ABCA6: variants seen among roughly 807,000 people sequenced by gnomAD.
ABCA6 encodes the protein ATP-binding cassette sub-family A member 6.
Under a neutral mutation model 191.2 loss-of-function variants are expected in ABCA6, and 164 were observed. That is an observed-to-expected ratio of 0.86 (90% CI 0.76 to 0.98). The LOEUF is 0.98. ABCA6 is among the 50% of genes least tolerant of loss of function. The pLI is 0.00. For synonymous variants in ABCA6, 636 were observed against 647.7 expected (o/e 0.98, Z 0.27); for missense variants, 1,958 against 1,894.1 (o/e 1.03, Z -0.63).
At position 69,096,553 on chromosome 17, in the gene ABCA6, A is replaced by G. The variant is rs2144635628; in HGVS notation, c.3294+75T>C. The G allele has an allele frequency of 1.2e-5, 14 of 1,137,856 alleles. No individual in the cohort carries two copies. The South Asian group carries it at 3.6e-4, about 29-fold the overall frequency. The allele number at this position is 1,137,856 out of a possible 1,614,324, so 70.5% of individuals were successfully genotyped here. A position where few individuals can be genotyped will look rare whatever the true frequency, so the allele number is the denominator to read the frequency against. The stretch of plus-strand genomic sequence containing the variant: ...ACAAAATATGAATTAAAACATCTTA[A>G]CTACTTAAAATAACAATGTTAAAAT... On this transcript the variant is annotated intron_variant, in intron 24 of 38. Coordinates refer to ENST00000284425, the MANE Select transcript of ABCA6 (RefSeq NM_080284.3).
In ABCA6 at chr17:69,124,986, G is replaced by T; in HGVS notation, c.1169C>A (p.Ser390Ter). 1 of 1,518,046 alleles carries T rather than the reference G, an allele frequency of 6.6e-7. No individual in the cohort carries two copies. Among genetic ancestry groups the T allele is most frequent in the Non-Finnish European group, 8.9e-7 (1 of 1,126,180 alleles). 94.0% of individuals were successfully genotyped at this position (1,518,046 alleles called of 1,614,324 possible). ...TGCTATCATTGTATATGAGTCTCCTGAAGGGTCAGGAAAAATTACACCATT... is the reference window on the plus strand; with the variant it reads ...TGCTATCATTGTATATGAGTCTCCTTAAGGGTCAGGAAAAATTACACCATT... ...NLNGVIFPDP[S>*]GDSYTMIATF... Residue 390 changes from serine (S) to a stop codon, truncating the protein, a stop_gained, in exon 9 of 39, where the codon TCA becomes TAA. Transcript: ENST00000284425. LOFTEE classifies it high-confidence loss of function.
chr17:69,118,744 C>T (rs2073583692), intron 10 of ABCA6, among the ~76,000 whole-genome samples: 1 of 152,082 alleles, frequency 6.6e-6, no homozygotes, highest in Non-Finnish European at 1.5e-5. Context: ...TCATCAGACA[C>T]ATCAGCTTGA....
chr17:69,080,534 G>T (rs1361777602), intron 37 of ABCA6, among the ~76,000 whole-genome samples: 2 of 152,190 alleles, frequency 1.3e-5, no homozygotes, highest in African/African-American at 4.8e-5. Context: ...TACACACAAT[G>T]CAGGGGACGG....
chr17:69,100,204 G>C (rs1177457329), intron 22 of ABCA6, among the ~76,000 whole-genome samples: 1 of 152,164 alleles, frequency 6.6e-6, no homozygotes, highest in Non-Finnish European at 1.5e-5. Context: ...CCAATGTAGG[G>C]GGTCCTCTGC....
intron 22 of ABCA6, among the ~76,000 whole-genome samples, chr17:69,099,898 G>T (rs1035681403): frequency 1.3e-5 from 2 of 151,952 alleles, no homozygotes; most frequent in Admixed American, 6.6e-5. Flanking sequence ...AGCCAAAACT[G>T]AGCTTCACAC....
intron 34 of ABCA6, 151 bp from the exon 35 acceptor site, chr17:69,083,482 AT>A (rs1209290252): frequency 3.1e-6 from 2 of 639,076 alleles, no homozygotes; most frequent in Non-Finnish European, 4.7e-6. Flanking sequence ...CATAAATAAC[AT>A]TTTTAAGTAT....
intron 37 of ABCA6, 66 bp from the exon 38 acceptor site, chr17:69,079,331 A>C: frequency 3.9e-6 from 5 of 1,288,294 alleles, no homozygotes; most frequent in Non-Finnish European, 5.4e-6. Flanking sequence ...AATTTTTTCA[A>C]AATCATAAAG....
Position 69,133,814 on chromosome 17 carries a change from A to G in ABCA6, c.618T>C (p.Thr206=), listed in dbSNP as rs1246982513. ...TAGTTATGAAAGGTAATGTCTTCATAGTTATAGCAGTAACTGACATCAACT... is the reference window on the plus strand; with the variant it reads ...TAGTTATGAAAGGTAATGTCTTCATGGTTATAGCAGTAACTGACATCAACT... The part of the protein sequence containing the change: ...MEELMSVTAI[T]MKTLPFITKN... Residue 206 remains threonine (T), a synonymous_variant, in exon 6 of 39, where the codon ACT becomes ACC. Transcript: ENST00000284425. 1 of 1,612,140 alleles carries G rather than the reference A, an allele frequency of 6.2e-7. No individual in the cohort carries two copies. The highest frequency in any genetic ancestry group is 8.5e-7 in the Non-Finnish European group (1 of 1,179,026).
intron 18 of ABCA6, among the ~76,000 whole-genome samples, chr17:69,107,323 TTC>T (rs2073327275): frequency 6.6e-6 from 1 of 152,170 alleles, no homozygotes; most frequent in Non-Finnish European, 1.5e-5. Context: ...ATACTGAGAA[TTC>T]TCCCCACTAA....
intron 23 of ABCA6, 62 bp downstream of exon 23, chr17:69,097,858 T>C (rs2073084466): frequency 8.8e-7 from 1 of 1,141,312 alleles, no homozygotes; most frequent in Non-Finnish European, 1.2e-6. Flanking sequence ...TTTGAACACA[T>C]AGCATTCAAA....
chr17:69,113,615 T>G lies in ABCA6; in HGVS notation c.1902+3A>C, dbSNP rs1268831315. On this transcript the variant is annotated splice_donor_region_variant and intron_variant, in intron 14 of 38. Transcript: ENST00000284425. ...TTCCTTCCCCATGCATAATCTCACT[T>G]ACTTGAGGATCTCCTAAAATGGTAA... is the stretch of plus-strand genomic sequence containing the variant. 1.9e-6 allele frequency: 3 copies of G among 1,612,924 alleles called. No homozygotes were observed. Among genetic ancestry groups the G allele is most frequent in the African/African-American group, 2.7e-5 (2 of 74,950 alleles).
chr17:69,120,901 G>A (rs1350313251), intron 10 of ABCA6, among the ~76,000 whole-genome samples: 6 of 151,990 alleles, frequency 3.9e-5, no homozygotes, highest in East Asian at 3.9e-4. Flanking sequence ...AATAAAAAAT[G>A]TATATTTTTA....
chr17:69,097,219 C>T (rs773093203), intron 23 of ABCA6, among the ~76,000 whole-genome samples: 3 of 152,198 alleles, frequency 2.0e-5, no homozygotes, highest in Non-Finnish European at 4.4e-5. Context: ...GGTGAAAGCC[C>T]ATTTTGACTA....
Position 69,115,471 on chromosome 17 carries a change from A to G in ABCA6, c.1511T>C (p.Ile504Thr). 1.2e-6 allele frequency: 2 copies of G among 1,610,078 alleles called. No individual in the cohort carries two copies. The highest frequency in any genetic ancestry group is 8.5e-7 in the Non-Finnish European group (1 of 1,178,090). Reference protein sequence around the residue: ...VEALKGLLFDIYEGQITAILG... With the variant: ...VEALKGLLFDTYEGQITAILG... ...GATTGCCGTGATTTGACCTTCATAT[A>G]TGTCAAAGAGCAAGCCTATTTTTAG... Residue 504 changes from isoleucine (I) to threonine (T), a missense_variant, in exon 12 of 39, where the codon ATA becomes ACA. By Grantham distance (89) the Ile-to-Thr change is moderately conservative. Transcript: ENST00000284425.
intron 2 of ABCA6, among the ~76,000 whole-genome samples, chr17:69,137,998 T>C (rs1163741420): frequency 6.6e-6 from 1 of 152,194 alleles, no homozygotes; most frequent in South Asian, 2.1e-4. Flanking sequence ...GACTGCATTC[T>C]CAGCCTACTG....
At chr17:69,085,814 A>C in intron 30 of ABCA6, 98 bp from the exon 31 acceptor site, 1 of 776,752 alleles carries the variant, frequency 1.3e-6, no homozygotes, top group Non-Finnish European at 2.2e-6. Flanking sequence ...TGCACCCTTC[A>C]GTTAGTACCA....
At chr17:69,139,236 A>C (rs546879084) in intron 2 of ABCA6, among the ~76,000 whole-genome samples, 3 of 152,220 alleles carry the variant, frequency 2.0e-5, no homozygotes, top group Admixed American at 6.5e-5. Context: ...CAATGAACTC[A>C]AACAAATTTA....
Position 69,128,741 on chromosome 17 carries a change from AC to A in ABCA6, c.996del (p.Leu334SerfsTer26). ...LKKAVLTNLV[V>X]FLLTLFWGCL... ...CATCCCCAAAAGAGGGTAAGGAGAA[AC>A]ACAACCAAATTGGTGAGGACAGCTT... On this transcript the variant is annotated frameshift_variant, in exon 8 of 39. Transcript: ENST00000284425. LOFTEE classifies it high-confidence loss of function. 1 of 1,612,788 alleles carries A rather than the reference AC, an allele frequency of 6.2e-7. No individual in the cohort carries two copies. Among genetic ancestry groups the A allele is most frequent in the Non-Finnish European group, 8.5e-7 (1 of 1,179,230 alleles).
intron 2 of ABCA6, among the ~76,000 whole-genome samples, chr17:69,139,402 A>G (rs1470220868): frequency 3.3e-5 from 5 of 152,208 alleles, no homozygotes; most frequent in Admixed American, 2.6e-4. Context: ...ATGAGATACC[A>G]TCTCACACCA....
Sources: allele counts gnomAD v4.1 joint callset (sites outside exome capture counted in the v4.1 genomes callset), GRCh38; gene constraint gnomAD v4.1.1; transcripts MANE v1.5; gene names NCBI Gene and HGNC (gene_info 2026-07-23, HGNC 2026-07-21).